The following PSKH2 variants were observed in gnomAD, a reference collection of about 807,000 sequenced individuals.
PSKH2 encodes protein serine kinase H2, also known as serine/threonine-protein kinase H2.
In PSKH2, 16 loss-of-function variants were observed where a neutral mutation model predicts 22.5. The observed-to-expected ratio is 0.71, with a 90% CI of 0.48 to 1.08. The LOEUF (loss-of-function observed/expected upper bound fraction) is 1.08, where lower values mean the gene tolerates loss of function less well. Among genes scored for constraint, PSKH2 ranks in the 50% least tolerant of loss-of-function variants. The pLI, the probability that PSKH2 is intolerant of heterozygous loss-of-function variation, is 0.00. For synonymous variants in PSKH2, 188 were observed against 184.8 expected (o/e 1.02, Z -0.14); for missense variants, 516 against 492.8 (o/e 1.05, Z -0.44).
intron 2 of PSKH2, among the ~76,000 whole-genome samples, chr8:86,049,158 G>T (rs1223630774): frequency 6.6e-6 from 1 of 152,178 alleles, no homozygotes; most frequent in African/African-American, 2.4e-5. Flanking sequence ...GTCAGTGTTT[G>T]CAACACTGTG....
intron 1 of PSKH2, 21 bp from the exon 2 acceptor site, chr8:86,064,652 A>T: frequency 6.3e-7 from 1 of 1,584,630 alleles, no homozygotes; most frequent in Non-Finnish European, 8.6e-7. Context: ...GAAAAACCAA[A>T]CATGTTATCC....
Position 86,064,055 on chromosome 8 carries a change from A to C in PSKH2, c.762T>G (p.Ala254=), listed in dbSNP as rs1783269627. The part of the protein sequence containing the change: ...DMWALGVITY[A]LLSGFLPFDD... ...CAAAAGGCAGGAATCCGCTAAGTAA[A>C]GCATATGTGATCACACCAAGAGCCC... The change falls in exon 2 of 3, where the codon GCT becomes GCG. Residue 254 remains alanine, a synonymous_variant. Coordinates refer to ENST00000276616, the MANE Select transcript of PSKH2 (RefSeq NM_033126.3). The C allele has an allele frequency of 6.2e-7, 1 of 1,614,032 alleles. No homozygotes were observed. Among genetic ancestry groups the C allele is most frequent in the Non-Finnish European group, 8.5e-7 (1 of 1,180,030 alleles).
At chr8:86,054,893 G>A (rs1192375878) in intron 2 of PSKH2, among the ~76,000 whole-genome samples, 1 of 152,042 alleles carries the variant, frequency 6.6e-6, no homozygotes, top group Non-Finnish European at 1.5e-5. Context: ...GAAGTTTTTT[G>A]AGCACCTACT....
chr8:86,066,050 G>C (rs867821648), intron 1 of PSKH2, among the ~76,000 whole-genome samples: 1 of 152,034 alleles, frequency 6.6e-6, no homozygotes, highest in African/African-American at 2.4e-5. Flanking sequence ...TTGAGAAAAT[G>C]CTAGACTTAA....
At chr8:86,066,843 A>G (rs1224997213) in intron 1 of PSKH2, among the ~76,000 whole-genome samples, 1 of 152,200 alleles carries the variant, frequency 6.6e-6, no homozygotes. Context: ...GTAATCTTAA[A>G]TAGATTCTTT....
At chr8:86,061,148 C>A (rs1180595890) in intron 2 of PSKH2, among the ~76,000 whole-genome samples, 3 of 152,236 alleles carry the variant, frequency 2.0e-5, no homozygotes, top group South Asian at 2.1e-4. Context: ...ATCTCCCCTG[C>A]TGAATAAGGC....
intron 1 of PSKH2, among the ~76,000 whole-genome samples, chr8:86,067,909 A>G (rs1817888363): frequency 6.6e-6 from 1 of 152,200 alleles, no homozygotes; most frequent in Non-Finnish European, 1.5e-5. Context: ...ATGAGCCTTG[A>G]GTTAAAATCT....
intron 2 of PSKH2, among the ~76,000 whole-genome samples, chr8:86,060,843 A>C (rs1438136387): frequency 1.3e-5 from 2 of 152,194 alleles, no homozygotes; most frequent in African/African-American, 4.8e-5. Context: ...ACATTTCCTC[A>C]AGAAACAGAG....
chr8:86,057,394 G>A (rs1817715560), intron 2 of PSKH2, among the ~76,000 whole-genome samples: 3 of 150,608 alleles, frequency 2.0e-5, no homozygotes. Flanking sequence ...GTTTTTTTGA[G>A]ACAGAGTCTT....
Position 86,048,423 on chromosome 8 carries a change from G to T in PSKH2, c.*39C>A, listed in dbSNP as rs1489276581. 1.3e-6 allele frequency: 2 copies of T among 1,523,562 alleles called. No individual in the cohort carries two copies. The highest frequency in any genetic ancestry group is 1.8e-6 in the Non-Finnish European group (2 of 1,111,596). 94.4% of individuals were successfully genotyped at this position (1,523,562 alleles called of 1,614,324 possible). On this transcript the variant is annotated 3_prime_UTR_variant, in exon 3 of 3. Coordinates refer to ENST00000276616, the MANE Select transcript of PSKH2 (RefSeq NM_033126.3). Reference sequence around the variant, plus strand: ...AGGGTGCCCTAATCATGATGAAATGGTCCTAAAATAGGCAAAAATAGTTTT... The same window carrying T: ...AGGGTGCCCTAATCATGATGAAATGTTCCTAAAATAGGCAAAAATAGTTTT...
At chr8:86,050,239 T>C (rs1817611492) in intron 2 of PSKH2, among the ~76,000 whole-genome samples, 1 of 152,192 alleles carries the variant, frequency 6.6e-6, no homozygotes, top group African/African-American at 2.4e-5. Flanking sequence ...ATCTGAGGAA[T>C]GCAAGCCCCT....
In PSKH2 at chr8:86,048,294, GA is replaced by G; in HGVS notation, c.*167del. 1 of 545,216 alleles carries G rather than the reference GA, an allele frequency of 1.8e-6. No homozygotes were observed. Among genetic ancestry groups the G allele is most frequent in the Non-Finnish European group, 3.2e-6 (1 of 311,454 alleles). 33.8% of individuals were successfully genotyped at this position (545,216 alleles called of 1,614,324 possible). On this transcript the variant is annotated 3_prime_UTR_variant, in exon 3 of 3. Transcript: ENST00000276616. Reference sequence around the variant, plus strand: ...AATCATTTGCAGCAGTATATTTTGGGAAAATGAATACAGGTATAGGAAAAAT... The same window carrying G: ...AATCATTTGCAGCAGTATATTTTGGGAAATGAATACAGGTATAGGAAAAAT...
In PSKH2 at chr8:86,048,445, T is replaced by A. The variant is rs747358753; in HGVS notation, c.*17A>T. ...ATGGTCCTAAAATAGGCAAAAATAG[T>A]TTTAGAGGTCATCTGCTTACAAAAG... On this transcript the variant is annotated 3_prime_UTR_variant, in exon 3 of 3. Coordinates refer to ENST00000276616, the MANE Select transcript of PSKH2 (RefSeq NM_033126.3). The A allele has an allele frequency of 6.2e-7, 1 of 1,600,258 alleles. No individual in the cohort carries two copies. Among genetic ancestry groups the A allele is most frequent in the African/African-American group, 1.3e-5 (1 of 74,570 alleles).
rs1817555198 is a variant in PSKH2 at position 86,048,150 on chromosome 8, T to G, written c.*312A>C. ...GTCTCTGGTTCACCATGCCTTCACATATACATCCCTTATTTCTATAGTATT... is the reference window on the plus strand; with the variant it reads ...GTCTCTGGTTCACCATGCCTTCACAGATACATCCCTTATTTCTATAGTATT... On this transcript the variant is annotated 3_prime_UTR_variant, in exon 3 of 3. Transcript: ENST00000276616. 6.6e-6 allele frequency among the ~76,000 whole-genome samples: 1 copy of G among 152,200 alleles called. No individual in the cohort carries two copies.
chr8:86,058,347 A>C (rs776561309), intron 2 of PSKH2, among the ~76,000 whole-genome samples: 2 of 152,228 alleles, frequency 1.3e-5, no homozygotes, highest in Non-Finnish European at 2.9e-5. Context: ...CCACCTACCT[A>C]TTCCAGAATG....
chr8:86,048,538 T>C lies in PSKH2; in HGVS notation c.1082A>G (p.Tyr361Cys). ...CCACATATGCCTGGATTTGTGAGAA[T>C]AATGTGACTTAGAAGACTGTGCAGA... ...PGSAQSSKSH[Y>C]SHKSRHMWSK... Residue 361 changes from tyrosine to cysteine, a missense_variant, in exon 3 of 3, where the codon TAT (tyrosine) becomes TGT (cysteine). By Grantham distance (194) the Tyr-to-Cys change is radical. Transcript: ENST00000276616. 1 of 1,614,118 alleles carries C rather than the reference T, an allele frequency of 6.2e-7. No homozygotes were observed. The highest frequency in any genetic ancestry group is 8.5e-7 in the Non-Finnish European group (1 of 1,179,974).
rs1467356753 is a variant in PSKH2, at chr8:86,048,197, ATACTT to A, written c.*260_*264del. On this transcript the variant is annotated 3_prime_UTR_variant, in exon 3 of 3. Transcript: ENST00000276616. The stretch of plus-strand genomic sequence containing the variant: ...TATTGTATTTTATTTAATCCATTAC[ATACTT>A]TAAAGATTTTCTTATCTATTTATTG... Among the ~76,000 whole-genome samples, 1 of 152,226 alleles carries A rather than the reference ATACTT, an allele frequency of 6.6e-6. No homozygotes were observed. The highest frequency in any genetic ancestry group is 1.5e-5 in the Non-Finnish European group (1 of 68,040).
At chr8:86,049,731 AAAG>A (rs1817594390) in intron 2 of PSKH2, among the ~76,000 whole-genome samples, 1 of 49,428 alleles carries the variant, frequency 2.0e-5, no homozygotes, top group African/African-American at 7.2e-5. Context: ...AGAAAGAAAG[AAAG>A]AAAGAAAGAA....
At chr8:86,053,458 A>G (rs1391384077) in intron 2 of PSKH2, among the ~76,000 whole-genome samples, 1 of 152,152 alleles carries the variant, frequency 6.6e-6, no homozygotes, top group Non-Finnish European at 1.5e-5. Flanking sequence ...TTTGTGTACT[A>G]TAGACCCCCT....
Sources: gnomAD v4.1 joint callset for allele counts (sites outside exome capture counted in the v4.1 genomes callset) on GRCh38, gnomAD v4.1.1 for gene constraint, MANE v1.5 for transcripts, NCBI Gene and HGNC (gene_info 2026-07-23, HGNC 2026-07-21) for gene names.